The following CAMK1D variants were observed in gnomAD, a reference collection of about 807,000 sequenced individuals.
The protein encoded by CAMK1D is calcium/calmodulin dependent protein kinase ID, also known as calcium/calmodulin-dependent protein kinase type 1D.
A neutral mutation model predicts 47.7 loss-of-function variants in CAMK1D; 9 were observed. The ratio of observed to expected loss-of-function variants is 0.19; its 90% CI spans 0.11 to 0.33. The LOEUF is 0.33. Ranked by LOEUF, CAMK1D falls within the 10% of genes least tolerant of loss-of-function variation. The probability of loss-of-function intolerance (pLI) is 1.00; values close to 1 mark genes in which losing one functional copy is unlikely to be tolerated. For missense variants in CAMK1D, 291 were observed against 488.7 expected (o/e 0.60, Z 3.81); for synonymous variants, 184 against 184.9 (o/e 0.99, Z 0.04).
In CAMK1D at chr10:12,623,447, T is replaced by C. The variant is rs1439279992; in HGVS notation, c.225-43289T>C. Among the ~76,000 whole-genome samples, 14 of 12,368 alleles carry C rather than the reference T, an allele frequency of 1.1e-3. 4 individuals carry two copies. Among genetic ancestry groups the C allele is most frequent in the Non-Finnish European group, 1.2e-3 (7 of 5,708 alleles). 8.1% of individuals were successfully genotyped at this position (12,368 alleles called of 152,430 possible). A position where few individuals can be genotyped will look rare whatever the true frequency, so the allele number is the denominator to read the frequency against. On this transcript the variant is annotated intron_variant, in intron 2 of 10. Coordinates refer to ENST00000619168, the MANE Select transcript of CAMK1D (RefSeq NM_153498.4). ...TTCCTCCCTCCCTCCCTTCTTTCCT[T>C]CCTTCCTCCCTCCCTCTCTCCCTCC...
chr10:12,480,024 A>G (rs1834017285), intron 1 of CAMK1D, among the ~76,000 whole-genome samples: 1 of 152,210 alleles, frequency 6.6e-6, no homozygotes. Flanking sequence ...GGTAAGCTCC[A>G]AATTCAGTGA....
At chr10:12,788,239 G>A (rs1457034411) in intron 5 of CAMK1D, among the ~76,000 whole-genome samples, 1 of 152,140 alleles carries the variant, frequency 6.6e-6, no homozygotes, top group Non-Finnish European at 1.5e-5. Context: ...TGCCCAGGAT[G>A]GAGTGCAATG....
intron 4 of CAMK1D, among the ~76,000 whole-genome samples, chr10:12,767,868 T>G (rs889125373): frequency 2.6e-5 from 4 of 151,866 alleles, no homozygotes; most frequent in Non-Finnish European, 4.4e-5. Flanking sequence ...GACTTTGAGT[T>G]AGTTAGTTAG....
intron 6 of CAMK1D, among the ~76,000 whole-genome samples, chr10:12,798,378 G>A (rs922307158): frequency 6.6e-6 from 1 of 152,196 alleles, no homozygotes; most frequent in Non-Finnish European, 1.5e-5. Context: ...GCCTGGCCTA[G>A]GAGGCACTTA....
chr10:12,366,987 A>G (rs753421686), intron 1 of CAMK1D, among the ~76,000 whole-genome samples: 6 of 152,098 alleles, frequency 3.9e-5, no homozygotes, highest in Non-Finnish European at 7.4e-5. Flanking sequence ...TGCTTGGCTT[A>G]TTCTCATGGT....
Position 12,751,639 on chromosome 10 carries a change from C to T in CAMK1D, c.300-9309C>T, listed in dbSNP as rs17152201. Among the ~76,000 whole-genome samples the T allele has an allele frequency of 7.3e-3, 1,108 of 152,210 alleles. 19 individuals carry two copies. Among genetic ancestry groups the T allele is most frequent in the African/African-American group, 0.025 (1,046 of 41,518 alleles). ...TGTGCAGAAAGACAGGTGCTAAGAG[C>T]GAATGTATTGAGGGGTCTCATCTGG... On this transcript the variant is annotated intron_variant, in intron 3 of 10. Coordinates refer to ENST00000619168, the MANE Select transcript of CAMK1D (RefSeq NM_153498.4).
chr10:12,428,161 A>G (rs1840315857), intron 1 of CAMK1D, among the ~76,000 whole-genome samples: 1 of 152,006 alleles, frequency 6.6e-6, no homozygotes, highest in Admixed American at 6.6e-5. Flanking sequence ...TCCTAATGCT[A>G]TCCCTCCCCT....
chr10:12,470,213 G>A (rs556465822), intron 1 of CAMK1D, among the ~76,000 whole-genome samples: 1 of 152,062 alleles, frequency 6.6e-6, no homozygotes, highest in South Asian at 2.1e-4. Context: ...TTTCTATATG[G>A]TATATTTAGG....
At chr10:12,769,847 C>T (rs756909776) in intron 5 of CAMK1D, 48 bp downstream of exon 5, 4 of 1,604,824 alleles carry the variant, frequency 2.5e-6, no homozygotes, top group Non-Finnish European at 3.4e-6. Context: ...GTGTGATGTC[C>T]TCATGTGTGG....
At chr10:12,528,309 G>A (rs181060663) in intron 1 of CAMK1D, among the ~76,000 whole-genome samples, 107 of 152,322 alleles carry the variant, frequency 7.0e-4, no homozygotes, top group African/African-American at 2.5e-3. Flanking sequence ...CTAGAAAATT[G>A]CCATAGGGAT....
At chr10:12,827,645 CCTCTCCT>C (rs140755067) in intron 10 of CAMK1D, among the ~76,000 whole-genome samples, 91,578 of 115,430 alleles carry the variant, frequency 0.79, 37,873 homozygotes, top group East Asian at 0.88. Context: ...TCCCCTCTCC[CCTCTCCT>C]CTCTCCTCTC....
At chr10:12,349,990 A>G (rs1373203713) in intron 1 of CAMK1D, 80 bp downstream of exon 1, 3 of 690,456 alleles carry the variant, frequency 4.3e-6, no homozygotes, top group Non-Finnish European at 6.6e-6. Context: ...CGCCGCCGCC[A>G]CTACCGCGGC....
intron 1 of CAMK1D, among the ~76,000 whole-genome samples, chr10:12,438,279 T>C (rs959185044): frequency 1.3e-5 from 2 of 152,204 alleles, no homozygotes; most frequent in Admixed American, 1.3e-4. Context: ...TTTTGGCTGC[T>C]GCATGGCTGA....
chr10:12,568,916 A>G (rs532937200), intron 2 of CAMK1D, among the ~76,000 whole-genome samples: 5 of 152,364 alleles, frequency 3.3e-5, no homozygotes, highest in African/African-American at 1.2e-4. Context: ...TTCAGTTAAT[A>G]CAACTTTTTC....
intron 2 of CAMK1D, among the ~76,000 whole-genome samples, chr10:12,569,722 CAAAAA>C (rs56335336): frequency 2.8e-5 from 2 of 71,472 alleles, no homozygotes; most frequent in African/African-American, 1.3e-4. Flanking sequence ...GACTCCGTCT[CAAAAA>C]AAAAAAAAAA....
At chr10:12,652,590 A>C (rs921227018) in intron 2 of CAMK1D, among the ~76,000 whole-genome samples, 4 of 151,696 alleles carry the variant, frequency 2.6e-5, no homozygotes, top group African/African-American at 7.3e-5. Flanking sequence ...TCCATCTCGA[A>C]AAAAAAAAGA....
At chr10:12,531,532 G>A (rs11257866) in intron 1 of CAMK1D, among the ~76,000 whole-genome samples, 2,560 of 152,296 alleles carry the variant, frequency 0.017, 34 homozygotes, top group Non-Finnish European at 0.028. Context: ...AATGATTACA[G>A]CGTGTACCAT....
chr10:12,736,423 G>A (rs769987458), intron 3 of CAMK1D, among the ~76,000 whole-genome samples: 3 of 152,176 alleles, frequency 2.0e-5, no homozygotes, highest in Non-Finnish European at 4.4e-5. Context: ...TCTATTCGGC[G>A]AGTTCTAGTA....
At chr10:12,740,225 A>G (rs1179392728) in intron 3 of CAMK1D, among the ~76,000 whole-genome samples, 1 of 152,206 alleles carries the variant, frequency 6.6e-6, no homozygotes, top group Non-Finnish European at 1.5e-5. Context: ...CACCCCATGA[A>G]GGAAATGCAC....
Sources: allele counts gnomAD v4.1 joint callset (sites outside exome capture counted in the v4.1 genomes callset), GRCh38; gene constraint gnomAD v4.1.1; transcripts MANE v1.5; gene names NCBI Gene and HGNC (gene_info 2026-07-23, HGNC 2026-07-21).